Variants in OLFML3 observed in about 807,000 individuals in gnomAD.
The protein encoded by OLFML3 is olfactomedin-like protein 3.
In OLFML3, 26 loss-of-function variants were observed where a neutral mutation model predicts 36.0. The observed-to-expected ratio is 0.72, with a 90% CI of 0.53 to 1.00. The LOEUF (loss-of-function observed/expected upper bound fraction) is 1.00, where lower values mean the gene tolerates loss of function less well. Ranked by LOEUF, OLFML3 falls within the 50% of genes least tolerant of loss-of-function variation. OLFML3 has a pLI of 0.00. For missense variants in OLFML3, 503 were observed against 519.4 expected, an observed-to-expected ratio of 0.97 and a Z score of 0.31; for synonymous variants, 184 against 201.2, an observed-to-expected ratio of 0.91 and a Z score of 0.72.
At chr1:113,979,721 A>G (rs1571751181) in intron 1 of OLFML3, 91 bp downstream of exon 1, 1 of 1,015,994 alleles carries the variant, frequency 9.8e-7, no homozygotes, top group East Asian at 2.5e-5. Context: ...GATAACAAGA[A>G]AGGGCTCTGT....
In OLFML3 at chr1:113,981,056, T is replaced by A; in HGVS notation, c.508T>A (p.Tyr170Asn). ...KDPLGQTEKI[Y>N]VLDGTQNDTA... ...TCCACTGGGGCAAACAGAGAAGATCTACGTGTTAGATGGGACACAGAATGA... is the reference window on the plus strand; with the variant it reads ...TCCACTGGGGCAAACAGAGAAGATCAACGTGTTAGATGGGACACAGAATGA... The change falls in exon 3 of 3, where the codon TAC (tyrosine) becomes AAC (asparagine). Residue 170 changes from tyrosine to asparagine, a missense_variant. By Grantham distance (143) the Tyr-to-Asn change is moderately radical (BLOSUM62 -2). Coordinates refer to ENST00000320334, the MANE Select transcript of OLFML3 (RefSeq NM_020190.5). The A allele has an allele frequency of 2.5e-6, 4 of 1,607,028 alleles. No individual in the cohort carries two copies. The highest frequency in any genetic ancestry group is 3.4e-6 in the Non-Finnish European group (4 of 1,175,806).
chr1:113,980,201 A>G (rs749762381), intron 1 of OLFML3, 131 bp from the exon 2 acceptor site: 71 of 1,517,710 alleles, frequency 4.7e-5, no homozygotes, highest in Non-Finnish European at 5.7e-5. Flanking sequence ...CCTTTTCTGC[A>G]GGAGTGGAAG....
rs192900545 is a variant in OLFML3, at chr1:113,982,069, G to A, written c.*300G>A. The A allele has an allele frequency of 2.5e-5, 10 of 404,582 alleles. No homozygotes were observed. The highest frequency in any genetic ancestry group is 8.2e-5 in the African/African-American group (4 of 48,642). The allele number at this position is 404,582 out of a possible 1,614,324, so 25.1% of individuals were successfully genotyped here. ...GACCCAGGGCTCTAACCTTGTATGCGGGCAGGCCCAGGGAGCAGGCAGCAG... is the reference window on the plus strand; with the variant it reads ...GACCCAGGGCTCTAACCTTGTATGCAGGCAGGCCCAGGGAGCAGGCAGCAG... On this transcript the variant is annotated 3_prime_UTR_variant, in exon 3 of 3. Coordinates refer to ENST00000320334, the MANE Select transcript of OLFML3 (RefSeq NM_020190.5).
At chr1:113,980,686 C>T in intron 2 of OLFML3, 69 bp downstream of exon 2, 1 of 1,450,278 alleles carries the variant, frequency 6.9e-7, no homozygotes, top group Non-Finnish European at 9.2e-7. Flanking sequence ...GCTTCTTACT[C>T]TTTTTTTCGC....
intron 1 of OLFML3, 154 bp from the exon 2 acceptor site, chr1:113,980,178 G>A (rs1456822996): frequency 3.3e-6 from 5 of 1,515,422 alleles, no homozygotes; most frequent in Non-Finnish European, 3.5e-6. Context: ...TAGCACCTCT[G>A]CACATCTGGT....
intron 1 of OLFML3, 55 bp from the exon 2 acceptor site, chr1:113,980,277 C>T: frequency 6.6e-7 from 1 of 1,524,102 alleles, no homozygotes; most frequent in Non-Finnish European, 8.8e-7. Flanking sequence ...TTGGGCCTCT[C>T]CCTGCCTGGG....
In OLFML3 at chr1:113,981,726, T is replaced by C; in HGVS notation, c.1178T>C (p.Ile393Thr). ...QLYAWDDGYQIVYKLEMRKKE... is the reference protein window; with the variant it reads ...QLYAWDDGYQTVYKLEMRKKE... ...TATGCCTGGGATGATGGCTACCAGATTGTCTATAAGCTGGAGATGAGGAAG... is the reference window on the plus strand; with the variant it reads ...TATGCCTGGGATGATGGCTACCAGACTGTCTATAAGCTGGAGATGAGGAAG... Residue 393 changes from isoleucine to threonine, a missense_variant, in exon 3 of 3, where the codon ATT becomes ACT. Ile to Thr is a moderately conservative substitution (Grantham distance 89, BLOSUM62 -1). Coordinates refer to ENST00000320334, the MANE Select transcript of OLFML3 (RefSeq NM_020190.5). 1.9e-6 allele frequency: 3 copies of C among 1,613,678 alleles called. No homozygotes were observed. The highest frequency in any genetic ancestry group is 2.5e-6 in the Non-Finnish European group (3 of 1,179,920).
In OLFML3 at chr1:113,981,070, G is replaced by T. The variant is rs1673391159; in HGVS notation, c.522G>T (p.Gly174=). Residue 174 remains glycine, a synonymous_variant, in exon 3 of 3, where the codon GGG becomes GGT. Transcript: ENST00000320334. ...GQTEKIYVLD[G]TQNDTAFVFP... ...CAGAGAAGATCTACGTGTTAGATGGGACACAGAATGACACAGCCTTTGTCT... is the reference window on the plus strand; with the variant it reads ...CAGAGAAGATCTACGTGTTAGATGGTACACAGAATGACACAGCCTTTGTCT... 1 of 1,610,824 alleles carries T rather than the reference G, an allele frequency of 6.2e-7. No individual in the cohort carries two copies. The highest frequency in any genetic ancestry group is 8.5e-7 in the Non-Finnish European group (1 of 1,178,006).
chr1:113,981,153 G>C lies in OLFML3; in HGVS notation c.605G>C (p.Arg202Pro). The C allele has an allele frequency of 6.2e-7, 1 of 1,614,194 alleles. No homozygotes were observed. Among genetic ancestry groups the C allele is most frequent in the Non-Finnish European group, 8.5e-7 (1 of 1,180,026 alleles). The change falls in exon 3 of 3, where the codon CGG (arginine) becomes CCG (proline). Residue 202 changes from arginine (R) to proline (P), a missense_variant. Coordinates refer to ENST00000320334, the MANE Select transcript of OLFML3 (RefSeq NM_020190.5). ...AMAARKASRV[R>P]VPFPWVGTGQ... ...GCTGCCCGGAAAGCTTCCCGAGTCC[G>C]GGTGCCCTTCCCCTGGGTAGGCACA...
At chr1:113,980,297 C>A in intron 1 of OLFML3, 35 bp from the exon 2 acceptor site, 1 of 1,528,168 alleles carries the variant, frequency 6.5e-7, no homozygotes, top group Non-Finnish European at 8.8e-7. Flanking sequence ...GAGTTGTAAC[C>A]CTGCAGCCTC....
Position 113,981,900 on chromosome 1 carries a change from G to T in OLFML3, c.*131G>T, listed in dbSNP as rs1036946161. ...AAATCCTCTATATTTTTAGCCAATGGCAATCAAATTCTTTCAGCTCCTTTG... is the reference window on the plus strand; with the variant it reads ...AAATCCTCTATATTTTTAGCCAATGTCAATCAAATTCTTTCAGCTCCTTTG... On this transcript the variant is annotated 3_prime_UTR_variant, in exon 3 of 3. Coordinates refer to ENST00000320334, the MANE Select transcript of OLFML3 (RefSeq NM_020190.5). 5.1e-6 allele frequency: 4 copies of T among 791,586 alleles called. No homozygotes were observed. Among genetic ancestry groups the T allele is most frequent in the South Asian group, 3.6e-5 (2 of 55,508 alleles). 49.0% of individuals were successfully genotyped at this position (791,586 alleles called of 1,614,324 possible). A position where few individuals can be genotyped will look rare whatever the true frequency, so the allele number is the denominator to read the frequency against.
At chr1:113,980,240 C>CT (rs1264356371) in intron 1 of OLFML3, 92 bp from the exon 2 acceptor site, 14 of 1,523,956 alleles carry the variant, frequency 9.2e-6, no homozygotes, top group Middle Eastern at 2.0e-4. Context: ...TGAGTTTGCT[C>CT]TTTTTTTCCC....
At position 113,979,481 on chromosome 1, in the gene OLFML3, C is replaced by A; in HGVS notation, c.-36C>A. On this transcript the variant is annotated 5_prime_UTR_variant, in exon 1 of 3. Transcript: ENST00000320334. The stretch of plus-strand genomic sequence containing the variant: ...GCTTGAGGGGAAGAGGCTGACTGTA[C>A]GTTCCTTCTACTCTGGCACCACTCT... 2 of 1,460,646 alleles carry A rather than the reference C, an allele frequency of 1.4e-6. No individual in the cohort carries two copies. The highest frequency in any genetic ancestry group is 1.9e-6 in the Non-Finnish European group (2 of 1,040,634). The allele number at this position is 1,460,646 out of a possible 1,614,324, so 90.5% of individuals were successfully genotyped here.
intron 2 of OLFML3, 154 bp from the exon 3 acceptor site, chr1:113,980,795 G>C: frequency 1.0e-6 from 1 of 993,344 alleles, no homozygotes; most frequent in Admixed American, 3.3e-5. Flanking sequence ...GATCCAGGCC[G>C]CTGTGGTACC....
In OLFML3 at chr1:113,982,226, T is replaced by G. The variant is rs912389172; in HGVS notation, c.*457T>G. The stretch of plus-strand genomic sequence containing the variant: ...CTCCACATTGTTTTGTATTGCAACA[T>G]TTTGCATTAAAAGGAAAATCCACTG... On this transcript the variant is annotated 3_prime_UTR_variant, in exon 3 of 3. Transcript: ENST00000320334. 4.9e-5 allele frequency: 9 copies of G among 185,386 alleles called. No individual in the cohort carries two copies. Among genetic ancestry groups the G allele is most frequent in the Admixed American group, 4.8e-4 (9 of 18,738 alleles). 11.5% of individuals were successfully genotyped at this position (185,386 alleles called of 1,614,324 possible). A position where few individuals can be genotyped will look rare whatever the true frequency, so the allele number is the denominator to read the frequency against.
intron 2 of OLFML3, 165 bp from the exon 3 acceptor site, chr1:113,980,784 G>A: frequency 9.8e-7 from 1 of 1,017,330 alleles, no homozygotes. Context: ...GAGGTTCTGG[G>A]GATCCAGGCC....
chr1:113,979,842 T>A lies in OLFML3; in HGVS notation c.114+212T>A, dbSNP rs1471900207. The A allele has an allele frequency of 2.8e-6, 3 of 1,075,770 alleles. No individual in the cohort carries two copies. In the Admixed American group the frequency reaches 8.7e-5, roughly 31 times the overall value. The allele number at this position is 1,075,770 out of a possible 1,614,324, so 66.6% of individuals were successfully genotyped here. On this transcript the variant is annotated intron_variant, in intron 1 of 2. Coordinates refer to ENST00000320334, the MANE Select transcript of OLFML3 (RefSeq NM_020190.5). Reference sequence around the variant, plus strand: ...CAAATCGACTTTTGCGTTTTACCTCTGGGATTAGATAGAATAAGGGGGCAG... The same window carrying A: ...CAAATCGACTTTTGCGTTTTACCTCAGGGATTAGATAGAATAAGGGGGCAG...
At chr1:113,979,934 G>A (rs1558158916) in intron 1 of OLFML3, 2 of 1,428,418 alleles carry the variant, frequency 1.4e-6, no homozygotes, top group East Asian at 2.5e-5. Context: ...GTTGAAGTTG[G>A]AGGTTCCCGG....
chr1:113,981,280 C>A lies in OLFML3; in HGVS notation c.732C>A (p.Phe244Leu). Residue 244 changes from phenylalanine to leucine, a missense_variant, in exon 3 of 3, where the codon TTC becomes TTA. By Grantham distance (22) the Phe-to-Leu change is conservative. Transcript: ENST00000320334. ...AGAACACTTTGCAGCTAATCAAATTCCACCTGGCAAACCGAACAGTGGTGG... is the reference window on the plus strand; with the variant it reads ...AGAACACTTTGCAGCTAATCAAATTACACCTGGCAAACCGAACAGTGGTGG... ...EMENTLQLIK[F>L]HLANRTVVDS... The A allele has an allele frequency of 5.0e-6, 8 of 1,606,926 alleles. No individual in the cohort carries two copies. Among genetic ancestry groups the A allele is most frequent in the Non-Finnish European group, 6.8e-6 (8 of 1,175,904 alleles).
Sources: gnomAD v4.1 joint callset for allele counts on GRCh38, gnomAD v4.1.1 for gene constraint, MANE v1.5 for transcripts, NCBI Gene and HGNC (gene_info 2026-07-23, HGNC 2026-07-21) for gene names.